Variants in PRPS2 observed in about 807,000 individuals in gnomAD.
PRPS2 encodes the protein ribose-phosphate pyrophosphokinase 2.
For synonymous variants in PRPS2, 111 were observed against 115.3 expected, an observed-to-expected ratio of 0.96 and a Z score of 0.24; for missense variants, 104 against 271.5, an observed-to-expected ratio of 0.38 and a Z score of 4.34.
chrX:12,817,863 A>G (rs2042656182), intron 4 of PRPS2, among the ~76,000 whole-genome samples: 1 of 111,483 alleles, frequency 9.0e-6, no homozygotes, highest in Non-Finnish European at 1.9e-5. Flanking sequence ...GACAGAAAAT[A>G]GATTCATGCT....
At chrX:12,791,896 C>A (rs1323888741) in intron 1 of PRPS2, among the ~76,000 whole-genome samples, 1 of 112,773 alleles carries the variant, frequency 8.9e-6, no homozygotes, top group Non-Finnish European at 1.9e-5. Context: ...GAGCCGCTCC[C>A]GGCCTCCCAG....
chrX:12,808,017 G>A (rs7892044), intron 2 of PRPS2, among the ~76,000 whole-genome samples: 24,432 of 108,030 alleles, frequency 0.23, 2,301 homozygotes, highest in Non-Finnish European at 0.29. Context: ...ACAGGCGCCC[G>A]CCACCACGCC....
intron 2 of PRPS2, among the ~76,000 whole-genome samples, chrX:12,805,616 T>C (rs2042589546): frequency 8.9e-6 from 1 of 112,248 alleles, no homozygotes; most frequent in South Asian, 3.7e-4. Flanking sequence ...AAAATATTGT[T>C]CTTCTTTTGA....
At chrX:12,793,283 G>A (rs976398209) in intron 1 of PRPS2, among the ~76,000 whole-genome samples, 2 of 112,620 alleles carry the variant, frequency 1.8e-5, no homozygotes, top group African/African-American at 6.4e-5. Flanking sequence ...TTGCTAAGGA[G>A]CATGGTTAAT....
intron 4 of PRPS2, among the ~76,000 whole-genome samples, chrX:12,815,997 T>C (rs1032925257): frequency 1.8e-5 from 2 of 111,639 alleles, no homozygotes; most frequent in African/African-American, 6.5e-5. Context: ...GGCCTTTAAA[T>C]TAATTTTTTT....
At chrX:12,809,985 C>A in intron 3 of PRPS2, 37 bp from the exon 4 acceptor site, 4 of 1,116,127 alleles carry the variant, frequency 3.6e-6, no homozygotes, top group South Asian at 2.5e-5. Context: ...CAAAACAAAA[C>A]AAAACCCTGC....
chrX:12,803,599 C>G (rs2042580123), intron 2 of PRPS2, among the ~76,000 whole-genome samples: 1 of 112,688 alleles, frequency 8.9e-6, no homozygotes, highest in African/African-American at 3.2e-5. Flanking sequence ...CCTGGCATCT[C>G]TCTTTAAAGG....
chrX:12,800,908 A>G (rs1388928669), intron 2 of PRPS2, among the ~76,000 whole-genome samples: 2 of 111,747 alleles, frequency 1.8e-5, no homozygotes, highest in Non-Finnish European at 3.8e-5. Flanking sequence ...GTAAATGGCT[A>G]TATGGTCTGT....
At position 12,823,922 on chromosome X, in the gene PRPS2, A is replaced by G. The variant is rs896311450; in HGVS notation, c.*1126A>G. 5 of 112,261 alleles carry G rather than the reference A, an allele frequency of 4.5e-5. No individual in the cohort carries two copies. The highest frequency in any genetic ancestry group is 1.6e-4 in the African/African-American group (5 of 30,782). The allele number at this position is 112,261 out of a possible 1,213,427, so 9.3% of individuals were successfully genotyped here. A position where few individuals can be genotyped will look rare whatever the true frequency, so the allele number is the denominator to read the frequency against. ...TGCTCCTGGCGTGGAAACTTAAGTG[A>G]GACCACCAAATACATTGGTCCTGTC... On this transcript the variant is annotated 3_prime_UTR_variant, in exon 7 of 7. Coordinates refer to ENST00000380668, the MANE Select transcript of PRPS2 (RefSeq NM_002765.5).
intron 1 of PRPS2, among the ~76,000 whole-genome samples, chrX:12,796,413 G>T (rs191704528): frequency 0.035 from 3,782 of 109,254 alleles, 84 homozygotes; most frequent in Non-Finnish European, 0.053. Context: ...TAGAGATGGG[G>T]TTTCTCCATG....
chrX:12,814,362 A>C (rs2042637901), intron 4 of PRPS2, among the ~76,000 whole-genome samples: 1 of 111,030 alleles, frequency 9.0e-6, no homozygotes, highest in Non-Finnish European at 1.9e-5. Flanking sequence ...AATTTTTGTC[A>C]CCTCCTTTCT....
Position 12,823,074 on chromosome X carries a change from T to G in PRPS2, c.*278T>G. 7.7e-6 allele frequency: 2 copies of G among 261,297 alleles called. No homozygotes were observed. Among genetic ancestry groups the G allele is most frequent in the Non-Finnish European group, 1.3e-5 (2 of 149,637 alleles). 21.5% of individuals were successfully genotyped at this position (261,297 alleles called of 1,213,427 possible). On this transcript the variant is annotated 3_prime_UTR_variant, in exon 7 of 7. Coordinates refer to ENST00000380668, the MANE Select transcript of PRPS2 (RefSeq NM_002765.5). Reference sequence around the variant, plus strand: ...ACTTTTAACAGGTACAGGTGATCTCTTCCTTTGTTCTTTCAGTACTTTGAG... The same window carrying G: ...ACTTTTAACAGGTACAGGTGATCTCGTCCTTTGTTCTTTCAGTACTTTGAG...
chrX:12,805,734 G>A (rs971029059), intron 2 of PRPS2, among the ~76,000 whole-genome samples: 4 of 112,080 alleles, frequency 3.6e-5, no homozygotes, highest in African/African-American at 1.3e-4. Flanking sequence ...GCCGGTCCCT[G>A]CTATAGAAGA....
At chrX:12,813,208 C>A (rs1301825816) in intron 4 of PRPS2, among the ~76,000 whole-genome samples, 3 of 112,190 alleles carry the variant, frequency 2.7e-5, no homozygotes, top group Non-Finnish European at 5.6e-5. Flanking sequence ...CAGTTCTTCA[C>A]TGTGCTTTTC....
intron 5 of PRPS2, among the ~76,000 whole-genome samples, 180 bp downstream of exon 5, chrX:12,819,860 C>A (rs1426495064): frequency 2.7e-5 from 3 of 112,589 alleles, no homozygotes; most frequent in East Asian, 2.8e-4. Context: ...AAAGAAAGCA[C>A]GGGCCTTTTC....
chrX:12,819,360 G>A, intron 4 of PRPS2, 147 bp from the exon 5 acceptor site: 1 of 616,011 alleles, frequency 1.6e-6, no homozygotes, highest in Non-Finnish European at 2.4e-6. Context: ...CTAAGTGCCT[G>A]CCCCAGACCA....
chrX:12,810,487 A>G lies in PRPS2; in HGVS notation c.530+341A>G, dbSNP rs1179321410. On this transcript the variant is annotated intron_variant, in intron 4 of 6. Coordinates refer to ENST00000380668, the MANE Select transcript of PRPS2 (RefSeq NM_002765.5). ...AATTGGAAAATAAGTCTTTTAATTAACAGCACTTGGAAATGGTAGCCAAAA... is the reference window on the plus strand; with the variant it reads ...AATTGGAAAATAAGTCTTTTAATTAGCAGCACTTGGAAATGGTAGCCAAAA... 2.5e-5 allele frequency: 6 copies of G among 238,375 alleles called. No homozygotes were observed. In the East Asian group the frequency reaches 4.0e-4, roughly 16 times the overall value. 19.6% of individuals were successfully genotyped at this position (238,375 alleles called of 1,213,427 possible). A position where few individuals can be genotyped will look rare whatever the true frequency, so the allele number is the denominator to read the frequency against.
rs997673646 is a variant in PRPS2, at chrX:12,809,221, T to C, written c.307-13T>C. On this transcript the variant is annotated splice_polypyrimidine_tract_variant and intron_variant, in intron 2 of 6. Coordinates refer to ENST00000380668, the MANE Select transcript of PRPS2 (RefSeq NM_002765.5). The stretch of plus-strand genomic sequence containing the variant: ...ATCTTTTCCTGTTATAAAATTAATG[T>C]TCTTACTTGTAGAGTCGTGCCCCAA... 3 of 1,201,039 alleles carry C rather than the reference T, an allele frequency of 2.5e-6. No homozygotes were observed. The African/African-American group carries it at 5.2e-5, about 21-fold the overall frequency.
intron 1 of PRPS2, among the ~76,000 whole-genome samples, chrX:12,792,763 G>A (rs1461174018): frequency 8.9e-6 from 1 of 112,619 alleles, no homozygotes; most frequent in African/African-American, 3.2e-5. Context: ...TAACTTTGAA[G>A]TGGATCATAG....
Sources: allele counts gnomAD v4.1 joint callset (sites outside exome capture counted in the v4.1 genomes callset), GRCh38; gene constraint gnomAD v4.1.1; transcripts MANE v1.5; gene names NCBI Gene and HGNC (gene_info 2026-07-23, HGNC 2026-07-21).